CDYL2: variants seen among roughly 807,000 people sequenced by gnomAD.
CDYL2 encodes the protein chromodomain Y like 2, also known as chromodomain Y-like protein 2.
In CDYL2, 23 loss-of-function variants were observed where a neutral mutation model predicts 49.4. The ratio of observed to expected loss-of-function variants is 0.47; its 90% CI spans 0.34 to 0.66. The LOEUF (loss-of-function observed/expected upper bound fraction) is 0.66. CDYL2 is among the 30% of genes least tolerant of loss of function. CDYL2 has a pLI of 0.01. For missense variants in CDYL2, 678 were observed against 656.4 expected (o/e 1.03, Z -0.36); for synonymous variants, 360 against 268.8 (o/e 1.34, Z -3.32).
At chr16:80,694,049 G>A (rs970123422) in intron 1 of CDYL2, among the ~76,000 whole-genome samples, 2 of 152,164 alleles carry the variant, frequency 1.3e-5, no homozygotes, top group Non-Finnish European at 2.9e-5. Flanking sequence ...CAACCTTTTT[G>A]GCACCAAGGA....
intron 1 of CDYL2, among the ~76,000 whole-genome samples, chr16:80,798,857 T>C (rs947426935): frequency 2.6e-5 from 4 of 152,304 alleles, no homozygotes; most frequent in Admixed American, 6.5e-5. Flanking sequence ...AACATCAATA[T>C]TTATAATGGT....
At chr16:80,684,304 G>A (rs1284705039) in intron 2 of CDYL2, among the ~76,000 whole-genome samples, 1 of 152,180 alleles carries the variant, frequency 6.6e-6, no homozygotes, top group East Asian at 1.9e-4. Context: ...ACCCATTCCA[G>A]ACCTTGGCTG....
At chr16:80,766,509 C>T (rs1906730824) in intron 1 of CDYL2, among the ~76,000 whole-genome samples, 1 of 152,120 alleles carries the variant, frequency 6.6e-6, no homozygotes, top group African/African-American at 2.4e-5. Flanking sequence ...CTTAGTTTCA[C>T]CTTTCTAGGG....
rs528913162 is a variant in CDYL2, at chr16:80,706,691, C to T, written c.25-21562G>A. Among the ~76,000 whole-genome samples, 4 of 152,162 alleles carry T rather than the reference C, an allele frequency of 2.6e-5. No homozygotes were observed. In the East Asian group the frequency reaches 5.8e-4, roughly 22 times the overall value. ...TGCTCCACAAGTGTACAAGAAATGC[C>T]AAGAAGAATGAGATTGAGTCCAGGG... is the stretch of plus-strand genomic sequence containing the variant. On this transcript the variant is annotated intron_variant, in intron 1 of 6. Transcript: ENST00000570137.
chr16:80,598,097 G>T lies in CDYL2; in HGVS notation c.*6291C>A, dbSNP rs1905918275. On this transcript the variant is annotated 3_prime_UTR_variant, in exon 7 of 7. Coordinates refer to ENST00000570137, the MANE Select transcript of CDYL2 (RefSeq NM_152342.4). ...TAAATCAGAAGATTATTATCCCTCA[G>T]TACTGCACCCAGTCTCAGTAAATAT... is the stretch of plus-strand genomic sequence containing the variant. The T allele has an allele frequency of 6.6e-6, 1 of 152,164 alleles. No individual in the cohort carries two copies. The highest frequency in any genetic ancestry group is 6.5e-5 in the Admixed American group (1 of 15,276). 9.4% of individuals were successfully genotyped at this position (152,164 alleles called of 1,614,324 possible).
At chr16:80,619,160 T>C (rs1404711534) in intron 4 of CDYL2, among the ~76,000 whole-genome samples, 1 of 152,190 alleles carries the variant, frequency 6.6e-6, no homozygotes, top group Non-Finnish European at 1.5e-5. Flanking sequence ...TTCTCCTGTC[T>C]CTGTGTCCCC....
chr16:80,612,894 G>A lies in CDYL2; in HGVS notation c.1008-58C>T. On this transcript the variant is annotated intron_variant, in intron 4 of 6. Coordinates refer to ENST00000570137, the MANE Select transcript of CDYL2 (RefSeq NM_152342.4). The surrounding 1 kb of genome is among the most constrained non-coding windows in gnomAD (Gnocchi z 5.0). ...GACTATAGCATGCTAAGCCCCACTG[G>A]AACCCTTGACTCTCCCAGGTGCTGT... 1.4e-6 allele frequency: 2 copies of A among 1,474,458 alleles called. No homozygotes were observed. Among genetic ancestry groups the A allele is most frequent in the South Asian group, 1.4e-5 (1 of 73,932 alleles). The allele number at this position is 1,474,458 out of a possible 1,614,324, so 91.3% of individuals were successfully genotyped here.
chr16:80,748,538 A>C (rs1041006485), intron 1 of CDYL2, among the ~76,000 whole-genome samples: 1 of 148,292 alleles, frequency 6.7e-6, no homozygotes, highest in Non-Finnish European at 1.5e-5. Flanking sequence ...AAAAAAAAAA[A>C]AACTCAGGTG....
intron 1 of CDYL2, among the ~76,000 whole-genome samples, chr16:80,695,375 A>C (rs1217581616): frequency 1.3e-5 from 2 of 152,260 alleles, no homozygotes; most frequent in African/African-American, 4.8e-5. Context: ...CCACAAAGCA[A>C]ATGACAAGAG....
At chr16:80,711,498 A>G (rs1477787858) in intron 1 of CDYL2, among the ~76,000 whole-genome samples, 1 of 152,172 alleles carries the variant, frequency 6.6e-6, no homozygotes, top group Non-Finnish European at 1.5e-5. Flanking sequence ...GACATTTCCC[A>G]TACGCAAAAG....
At chr16:80,758,601 G>A (rs1204484179) in intron 1 of CDYL2, among the ~76,000 whole-genome samples, 1 of 143,398 alleles carries the variant, frequency 7.0e-6, no homozygotes, top group Non-Finnish European at 1.5e-5. Flanking sequence ...GGAGGGCAGT[G>A]GCACGATCTC....
chr16:80,670,782 A>C (rs772932377), intron 2 of CDYL2, among the ~76,000 whole-genome samples: 1 of 152,176 alleles, frequency 6.6e-6, no homozygotes, highest in Admixed American at 6.5e-5. Context: ...AAAAAGTGTG[A>C]ATCGAGGCCT....
At chr16:80,724,930 G>A (rs977742111) in intron 1 of CDYL2, among the ~76,000 whole-genome samples, 3 of 152,128 alleles carry the variant, frequency 2.0e-5, no homozygotes, top group African/African-American at 7.2e-5. Flanking sequence ...CTGTAAGATC[G>A]TGTCCTCAAA....
chr16:80,624,686 G>C (rs1450733144), intron 3 of CDYL2, among the ~76,000 whole-genome samples: 1 of 152,110 alleles, frequency 6.6e-6, no homozygotes. Context: ...CTGTAAAATA[G>C]GGATGTTTCA....
At chr16:80,775,132 C>A (rs1280248951) in intron 1 of CDYL2, among the ~76,000 whole-genome samples, 1 of 151,608 alleles carries the variant, frequency 6.6e-6, no homozygotes, top group Non-Finnish European at 1.5e-5. Context: ...ATGCACAGTC[C>A]CTTTCTGAAA....
intron 1 of CDYL2, among the ~76,000 whole-genome samples, chr16:80,800,510 G>C (rs945959408): frequency 9.2e-5 from 14 of 152,038 alleles, no homozygotes; most frequent in African/African-American, 3.1e-4. Flanking sequence ...TGCAGATAGA[G>C]TCAGCCCTCC....
chr16:80,665,506 A>AAAAC (rs1909225079), intron 2 of CDYL2, among the ~76,000 whole-genome samples: 2 of 644 alleles, frequency 3.1e-3, no homozygotes, highest in African/African-American at 9.3e-3. Context: ...TTTTGCCATT[A>AAAAC]AAAAAAAAAA....
In CDYL2 at chr16:80,749,530, G is replaced by A. The variant is rs774321276; in HGVS notation, c.24+54620C>T. Reference sequence around the variant, plus strand: ...GCAAAATCAACAGCTAAAAGATTACGCAAATTATTTATCTTAGCAAAAAAA... The same window carrying A: ...GCAAAATCAACAGCTAAAAGATTACACAAATTATTTATCTTAGCAAAAAAA... On this transcript the variant is annotated intron_variant, in intron 1 of 6. Transcript: ENST00000570137. Among the ~76,000 whole-genome samples, 153 of 151,982 alleles carry A rather than the reference G, an allele frequency of 1.0e-3. 5 individuals are homozygous for A. The highest frequency in any genetic ancestry group is 8.1e-4 in the Non-Finnish European group (55 of 67,966).
intron 1 of CDYL2, among the ~76,000 whole-genome samples, chr16:80,782,588 A>G (rs927511543): frequency 2.0e-5 from 3 of 151,798 alleles, no homozygotes; most frequent in Non-Finnish European, 4.4e-5. Flanking sequence ...TAGATGCAAA[A>G]AATTCTCAAC....
Sources: allele counts gnomAD v4.1 joint callset (sites outside exome capture counted in the v4.1 genomes callset), GRCh38; gene constraint gnomAD v4.1.1; non-coding constraint Gnocchi (gnomAD v3.1); transcripts MANE v1.5; gene names NCBI Gene and HGNC (gene_info 2026-07-23, HGNC 2026-07-21).